Variants in SLC24A2 observed in about 807,000 individuals in gnomAD.
The protein encoded by SLC24A2 is sodium/potassium/calcium exchanger 2.
Under a neutral mutation model 62.0 loss-of-function variants are expected in SLC24A2, and 36 were observed. The ratio of observed to expected loss-of-function variants is 0.58; its 90% confidence interval spans 0.44 to 0.77. The LOEUF (loss-of-function observed/expected upper bound fraction) is 0.77, where lower values mean the gene tolerates loss of function less well. Among genes scored for constraint, SLC24A2 ranks in the 30% least tolerant of loss-of-function variants. The pLI, the probability that SLC24A2 is intolerant of heterozygous loss-of-function variation, is 0.00. For synonymous variants in SLC24A2, 358 were observed against 294.0 expected (o/e 1.22, Z -2.23); for missense variants, 846 against 817.9 (o/e 1.03, Z -0.42).
the SLC24A2 span, among the ~76,000 whole-genome samples, chr9:20,234,903 T>G: frequency 6.6e-6 from 1 of 152,198 alleles, no homozygotes; most frequent in Non-Finnish European, 1.5e-5. Flanking sequence ...GATGGGTTTT[T>G]GGTGTGGATG....
chr9:19,591,024 C>G (rs1227619507), intron 5 of SLC24A2, among the ~76,000 whole-genome samples: 1 of 152,208 alleles, frequency 6.6e-6, no homozygotes, highest in African/African-American at 2.4e-5. Context: ...CCACCTCAGT[C>G]TCCTTTGCTG....
chr9:19,856,151 T>C, the SLC24A2 span, among the ~76,000 whole-genome samples: 6 of 152,242 alleles, frequency 3.9e-5, no homozygotes, highest in African/African-American at 1.4e-4. Flanking sequence ...TATGTTCCTC[T>C]CTAAACTGGT....
At chr9:19,764,163 C>T (rs1822439438) in intron 2 of SLC24A2, among the ~76,000 whole-genome samples, 1 of 152,172 alleles carries the variant, frequency 6.6e-6, no homozygotes, top group Non-Finnish European at 1.5e-5. Context: ...GTGATCTCTC[C>T]TTTATCATTT....
chr9:20,124,587 G>A, the SLC24A2 span, among the ~76,000 whole-genome samples: 1 of 151,898 alleles, frequency 6.6e-6, no homozygotes, highest in East Asian at 1.9e-4. Flanking sequence ...CCTTTGTTAC[G>A]TACCTAGTGC....
chr9:19,572,241 C>G (rs1466346941), intron 7 of SLC24A2, among the ~76,000 whole-genome samples: 1 of 111,688 alleles, frequency 9.0e-6, no homozygotes, highest in African/African-American at 3.6e-5. Flanking sequence ...GGCTGGGTGA[C>G]AGAGTGAGAG....
the SLC24A2 span, among the ~76,000 whole-genome samples, chr9:20,038,494 A>C: frequency 5.9e-5 from 9 of 152,180 alleles, 1 homozygote; most frequent in African/African-American, 2.2e-4. Context: ...TGCTCTCTGC[A>C]GGTGACCCTA....
the SLC24A2 span, among the ~76,000 whole-genome samples, chr9:20,114,456 T>C: frequency 6.6e-6 from 1 of 152,098 alleles, no homozygotes; most frequent in Non-Finnish European, 1.5e-5. Context: ...AAGGACAAAC[T>C]GTTTCCAAGG....
In SLC24A2 at chr9:19,514,519, C is replaced by T. The variant is rs569937015; in HGVS notation, c.*1634G>A. The stretch of plus-strand genomic sequence containing the variant: ...TGATTCAGTTTGCCTATTTTTTCCC[C>T]CTTGCTGGCTTTATTTTCGACTGAC... On this transcript the variant is annotated 3_prime_UTR_variant, in exon 11 of 11. Transcript: ENST00000341998. 6.6e-6 allele frequency: 1 copy of T among 152,126 alleles called. No individual in the cohort carries two copies. Among genetic ancestry groups the T allele is most frequent in the African/African-American group, 2.4e-5 (1 of 41,420 alleles). The allele number at this position is 152,126 out of a possible 1,614,324, so 9.4% of individuals were successfully genotyped here.
the SLC24A2 span, chr9:19,895,961 G>T: frequency 6.2e-7 from 1 of 1,610,450 alleles, no homozygotes; most frequent in Non-Finnish European, 8.5e-7. Flanking sequence ...AGGGAGTCTT[G>T]GAGCATGTAA....
the SLC24A2 span, among the ~76,000 whole-genome samples, chr9:19,867,005 C>A: frequency 1.3e-5 from 2 of 151,922 alleles, no homozygotes; most frequent in South Asian, 4.2e-4. Flanking sequence ...GATAACACAA[C>A]AGGGTGACCA....
At chr9:19,835,413 A>G in the SLC24A2 span, among the ~76,000 whole-genome samples, 638 of 152,194 alleles carry the variant, frequency 4.2e-3, 4 homozygotes, top group African/African-American at 0.014. Flanking sequence ...AAAAAAAGGC[A>G]GGGGTTCCCA....
the SLC24A2 span, among the ~76,000 whole-genome samples, chr9:20,023,982 T>C: frequency 2.0e-5 from 3 of 152,206 alleles, no homozygotes; most frequent in South Asian, 6.2e-4. Context: ...GAAAAGAAGA[T>C]AGAGCTGGTT....
chr9:20,080,379 G>C, the SLC24A2 span, among the ~76,000 whole-genome samples: 1 of 152,196 alleles, frequency 6.6e-6, no homozygotes, highest in Non-Finnish European at 1.5e-5. Flanking sequence ...AATGGGGAAA[G>C]GATTCCTTAT....
chr9:19,633,183 A>G (rs1194945387), intron 2 of SLC24A2, among the ~76,000 whole-genome samples: 1 of 152,206 alleles, frequency 6.6e-6, no homozygotes, highest in African/African-American at 2.4e-5. Context: ...GATATACCAC[A>G]GTTTAATGAT....
chr9:19,778,060 G>A (rs1248685450), intron 2 of SLC24A2, among the ~76,000 whole-genome samples: 1 of 152,136 alleles, frequency 6.6e-6, no homozygotes, highest in Non-Finnish European at 1.5e-5. Flanking sequence ...ATTAAACATT[G>A]AGAGAATGCC....
At chr9:19,916,963 G>A in the SLC24A2 span, among the ~76,000 whole-genome samples, 358 of 138,250 alleles carry the variant, frequency 2.6e-3, 5 homozygotes, top group Non-Finnish European at 3.4e-3. Context: ...TTTATGTATA[G>A]GTGCAAATAA....
the SLC24A2 span, among the ~76,000 whole-genome samples, chr9:20,295,268 G>C: frequency 1.3e-5 from 2 of 152,176 alleles, no homozygotes; most frequent in African/African-American, 4.8e-5. Context: ...CTTGAAAGCA[G>C]AATCCTAGGG....
chr9:20,057,216 C>A, the SLC24A2 span, among the ~76,000 whole-genome samples: 1 of 152,196 alleles, frequency 6.6e-6, no homozygotes, highest in Non-Finnish European at 1.5e-5. Context: ...CTATAACTAT[C>A]ACTTTTTTTA....
At chr9:19,896,639 C>T in the SLC24A2 span, among the ~76,000 whole-genome samples, 4 of 152,188 alleles carry the variant, frequency 2.6e-5, no homozygotes, top group Non-Finnish European at 4.4e-5. Context: ...CCCCAAACCA[C>T]AAAGGTACTA....
Sources: gnomAD v4.1 joint callset for allele counts (sites outside exome capture counted in the v4.1 genomes callset) on GRCh38, gnomAD v4.1.1 for gene constraint, MANE v1.5 for transcripts, NCBI Gene and HGNC (gene_info 2026-07-23, HGNC 2026-07-21) for gene names.